The following ERBB4 variants were observed in gnomAD, a reference collection of about 807,000 sequenced individuals.
ERBB4 encodes erb-b2 receptor tyrosine kinase 4.
A neutral mutation model predicts 158.0 loss-of-function variants in ERBB4; 42 were observed. That is an observed-to-expected ratio of 0.27 (90% CI 0.21 to 0.34). The LOEUF (loss-of-function observed/expected upper bound fraction) is 0.34, where lower values mean the gene tolerates loss of function less well. ERBB4 is among the 10% of genes least tolerant of loss of function. The probability of loss-of-function intolerance (pLI) is 1.00; values close to 1 mark genes in which losing one functional copy is unlikely to be tolerated. For synonymous variants in ERBB4, 583 were observed against 558.7 expected (o/e 1.04, Z -0.61); for missense variants, 1,333 against 1,624.1 (o/e 0.82, Z 3.08).
At chr2:211,957,555 A>G (rs1485729690) in intron 2 of ERBB4, among the ~76,000 whole-genome samples, 1 of 152,046 alleles carries the variant, frequency 6.6e-6, no homozygotes, top group African/African-American at 2.4e-5. Context: ...ACATTATTTA[A>G]CCTTTCTGTG....
intron 14 of ERBB4, 30 bp from the exon 15 acceptor site, chr2:211,665,507 A>G (rs1559395908): frequency 6.2e-7 from 1 of 1,609,922 alleles, no homozygotes; most frequent in African/African-American, 1.3e-5. Context: ...AAAAAAGAAA[A>G]AAGAAAAGTG....
At chr2:212,040,470 T>C (rs895478650) in intron 2 of ERBB4, among the ~76,000 whole-genome samples, 5 of 152,266 alleles carry the variant, frequency 3.3e-5, no homozygotes, top group East Asian at 1.9e-4. Flanking sequence ...TGAAGGAATA[T>C]TGATGGCTTT....
Position 211,795,187 on chromosome 2 carries a change from G to A in ERBB4, c.422-7028C>T, listed in dbSNP as rs535179095. The stretch of plus-strand genomic sequence containing the variant: ...GTGGAGAGAGACAGGTGGTAGGGGA[G>A]AGAAATCCTGCTCTATCACGGCTTT... On this transcript the variant is annotated intron_variant, in intron 3 of 27. Coordinates refer to ENST00000342788, the MANE Select transcript of ERBB4 (RefSeq NM_005235.3). Among the ~76,000 whole-genome samples the A allele has an allele frequency of 2.6e-5, 4 of 151,960 alleles. No individual in the cohort carries two copies. The South Asian group carries it at 8.3e-4, about 32-fold the overall frequency.
chr2:211,830,524 T>C (rs2077197109), intron 3 of ERBB4, among the ~76,000 whole-genome samples: 2 of 152,196 alleles, frequency 1.3e-5, no homozygotes, highest in South Asian at 4.1e-4. Flanking sequence ...ATGTTTGATC[T>C]TTTAAATTTC....
At chr2:212,465,277 T>A (rs1353072425) in intron 1 of ERBB4, among the ~76,000 whole-genome samples, 1 of 152,148 alleles carries the variant, frequency 6.6e-6, no homozygotes, top group Non-Finnish European at 1.5e-5. Flanking sequence ...ACCAATGGCA[T>A]AATCAAAATT....
intron 2 of ERBB4, among the ~76,000 whole-genome samples, chr2:212,088,579 G>A (rs1266466232): frequency 6.6e-6 from 1 of 152,020 alleles, no homozygotes; most frequent in Non-Finnish European, 1.5e-5. Context: ...TAGTCCCTGG[G>A]TAGCAGCTAA....
At chr2:211,886,371 T>A (rs2078801315) in intron 3 of ERBB4, among the ~76,000 whole-genome samples, 2 of 152,184 alleles carry the variant, frequency 1.3e-5, no homozygotes. Flanking sequence ...TACTACTGTA[T>A]TCTCATCAGC....
chr2:211,901,841 A>G (rs1301704965), intron 3 of ERBB4, among the ~76,000 whole-genome samples: 2 of 151,890 alleles, frequency 1.3e-5, no homozygotes, highest in East Asian at 3.9e-4. Flanking sequence ...TTGTAGAGTC[A>G]AAAAAAATTT....
intron 1 of ERBB4, among the ~76,000 whole-genome samples, chr2:212,216,541 T>C (rs796076905): frequency 5.3e-5 from 8 of 151,484 alleles, no homozygotes; most frequent in African/African-American, 1.9e-4. Flanking sequence ...GTTTTTAACA[T>C]GATGAATTAC....
intron 19 of ERBB4, among the ~76,000 whole-genome samples, chr2:211,606,590 A>C (rs1211158612): frequency 2.0e-5 from 3 of 152,118 alleles, no homozygotes; most frequent in African/African-American, 7.2e-5. Context: ...TGGTCACTAT[A>C]TGTGAGATAA....
At chr2:211,539,733 C>T (rs16846370) in intron 20 of ERBB4, among the ~76,000 whole-genome samples, 4,373 of 151,936 alleles carry the variant, frequency 0.029, 200 homozygotes, top group African/African-American at 0.099. Flanking sequence ...TTAACCTTTC[C>T]AGTGTGAATG....
intron 25 of ERBB4, among the ~76,000 whole-genome samples, chr2:211,418,361 C>A (rs2063440084): frequency 6.6e-6 from 1 of 152,006 alleles, no homozygotes; most frequent in African/African-American, 2.4e-5. Context: ...ATATAGATGA[C>A]AAATAAAGCT....
chr2:212,148,597 G>C (rs1036236317), intron 1 of ERBB4, among the ~76,000 whole-genome samples: 1 of 152,056 alleles, frequency 6.6e-6, no homozygotes, highest in Non-Finnish European at 1.5e-5. Flanking sequence ...GACATGGTTG[G>C]TTTCCTGAAA....
At chr2:212,019,844 T>C (rs2076610743) in intron 2 of ERBB4, among the ~76,000 whole-genome samples, 1 of 147,102 alleles carries the variant, frequency 6.8e-6, no homozygotes, top group African/African-American at 2.5e-5. Context: ...AGGGATAAGA[T>C]GGGGTCAAGG....
chr2:211,947,480 C>T lies in ERBB4; in HGVS notation c.371G>A (p.Arg124Lys), dbSNP rs770028143. ...TTGAAGTCCAAAGTTTCCATCTTTT[C>T]TGTAGTTTAAAAATATTGCCAAGGC... ...RYALAIFLNYRKDGNFGLQEL... is the reference protein window; with the variant it reads ...RYALAIFLNYKKDGNFGLQEL... Residue 124 changes from arginine to lysine, a missense_variant, in exon 3 of 28, where the codon AGA becomes AAA. Transcript: ENST00000342788. 4 of 1,613,846 alleles carry T rather than the reference C, an allele frequency of 2.5e-6. No homozygotes were observed. The highest frequency in any genetic ancestry group is 3.4e-6 in the Non-Finnish European group (4 of 1,179,892).
chr2:212,418,057 C>T (rs1452216189), intron 1 of ERBB4, among the ~76,000 whole-genome samples: 1 of 151,872 alleles, frequency 6.6e-6, no homozygotes, highest in African/African-American at 2.4e-5. Context: ...GGAAGAAGGC[C>T]CTTACAAATA....
At chr2:212,373,917 A>ATG (rs1560146533) in intron 1 of ERBB4, among the ~76,000 whole-genome samples, 1 of 55,078 alleles carries the variant, frequency 1.8e-5, no homozygotes, top group African/African-American at 1.2e-4. Flanking sequence ...GTATATATCC[A>ATG]TATATATATA....
intron 1 of ERBB4, among the ~76,000 whole-genome samples, chr2:212,460,306 T>C (rs966047416): frequency 1.3e-5 from 2 of 152,186 alleles, no homozygotes; most frequent in Non-Finnish European, 2.9e-5. Context: ...GCTGAAAAGA[T>C]ACCCCAAAAT....
intron 1 of ERBB4, among the ~76,000 whole-genome samples, chr2:212,384,078 T>A (rs2090596565): frequency 6.6e-6 from 1 of 151,642 alleles, no homozygotes; most frequent in Non-Finnish European, 1.5e-5. Flanking sequence ...TCCTAAAGGT[T>A]ATGAGAGTAC....
Sources: allele counts gnomAD v4.1 joint callset (sites outside exome capture counted in the v4.1 genomes callset), GRCh38; gene constraint gnomAD v4.1.1; transcripts MANE v1.5; gene names NCBI Gene and HGNC (gene_info 2026-07-23, HGNC 2026-07-21).